EMID1: variants seen among roughly 807,000 people sequenced by gnomAD.
The protein encoded by EMID1 is EMI domain containing 1, also known as EMI domain-containing protein 1.
In EMID1, 40 loss-of-function variants were observed where a neutral mutation model predicts 60.6. That is an observed-to-expected ratio of 0.66 (90% CI 0.51 to 0.86). The LOEUF (loss-of-function observed/expected upper bound fraction) is 0.86, where lower values mean the gene tolerates loss of function less well. Among genes scored for constraint, EMID1 ranks in the 40% least tolerant of loss-of-function variants. EMID1 has a pLI of 0.00. For missense variants in EMID1, 585 were observed against 597.1 expected, an observed-to-expected ratio of 0.98 and a Z score of 0.21; for synonymous variants, 242 against 231.0, an observed-to-expected ratio of 1.05 and a Z score of -0.43.
intron 8 of EMID1, 29 bp from the exon 9 acceptor site, chr22:29,233,350 C>G: frequency 6.2e-7 from 1 of 1,612,398 alleles, no homozygotes; most frequent in South Asian, 1.1e-5. Context: ...CTACCCAGCT[C>G]TACTCACTCA....
At chr22:29,245,827 G>A (rs1025244416) in intron 13 of EMID1, among the ~76,000 whole-genome samples, 2 of 152,144 alleles carry the variant, frequency 1.3e-5, no homozygotes, top group South Asian at 2.1e-4. Flanking sequence ...GGCCCGACTC[G>A]GCAGAGAGAA....
chr22:29,246,142 C>T (rs2041323205), intron 13 of EMID1, among the ~76,000 whole-genome samples: 1 of 152,154 alleles, frequency 6.6e-6, no homozygotes, highest in South Asian at 2.1e-4. Context: ...CAGGCAGAGG[C>T]GAGGGTACAA....
chr22:29,228,134 C>T (rs1390995119), intron 5 of EMID1, among the ~76,000 whole-genome samples: 1 of 124,978 alleles, frequency 8.0e-6, no homozygotes, highest in Admixed American at 9.2e-5. Flanking sequence ...CCAGCCTGGG[C>T]AACAAGAACG....
chr22:29,230,264 C>T (rs973399108), intron 5 of EMID1, among the ~76,000 whole-genome samples: 7 of 151,554 alleles, frequency 4.6e-5, no homozygotes, highest in African/African-American at 1.7e-4. Context: ...ACCCGGGAGG[C>T]GGAGGTTGCA....
At position 29,233,656 on chromosome 22, in the gene EMID1, C is replaced by T. The variant is rs960918691; in HGVS notation, c.956C>T (p.Pro319Leu). 40 of 1,613,848 alleles carry T rather than the reference C, an allele frequency of 2.5e-5. No homozygotes were observed. Among genetic ancestry groups the T allele is most frequent in the Non-Finnish European group, 3.2e-5 (38 of 1,179,864 alleles). ...PPGPTGVPGS[P>L]GHIGPPGPTG... ...GGCCCCACAGGTGTCCCTGGGAGTC[C>T]TGGTCACATAGTGAGTAGTTCTCCT... The change falls in exon 10 of 15, where the codon CCT becomes CTT. Residue 319 changes from proline to leucine, a missense_variant. By Grantham distance (98) the Pro-to-Leu change is moderately conservative (BLOSUM62 -3). Transcript: ENST00000334018.
intron 14 of EMID1, among the ~76,000 whole-genome samples, chr22:29,256,405 A>G (rs1207327632): frequency 6.8e-6 from 1 of 147,910 alleles, no homozygotes; most frequent in Non-Finnish European, 1.5e-5. Flanking sequence ...CAGAGGTTGC[A>G]GTGAGCCGAG....
chr22:29,248,259 CTTTTTTTTT>C (rs33924066), intron 13 of EMID1, among the ~76,000 whole-genome samples: 1 of 116,070 alleles, frequency 8.6e-6, no homozygotes, highest in Non-Finnish European at 1.7e-5. Flanking sequence ...GTGCCTGGCC[CTTTTTTTTT>C]TTTTTTTTTT....
At chr22:29,215,434 G>C in intron 2 of EMID1, 93 bp from the exon 3 acceptor site, 1 of 1,379,472 alleles carries the variant, frequency 7.2e-7, no homozygotes, top group South Asian at 1.3e-5. Context: ...AGAGGATCCT[G>C]GAAGCTCTAG....
rs752025220 is a variant in EMID1 at position 29,215,583 on chromosome 22, G to A, written c.272G>A (p.Arg91His). Residue 91 changes from arginine to histidine, a missense_variant, in exon 3 of 15, where the codon CGT (arginine) becomes CAT (histidine). Transcript: ENST00000334018. Reference sequence around the variant, plus strand: ...GTGATGTACAAGATAGTGACCGCCCGTGAGTGGAGGTGCTGCCCTGGGCAC... The same window carrying A: ...GTGATGTACAAGATAGTGACCGCCCATGAGTGGAGGTGCTGCCCTGGGCAC... ...YKVMYKIVTA[R>H]EWRCCPGHSG... is the part of the protein sequence containing the mutation. 3.7e-6 allele frequency: 6 copies of A among 1,614,130 alleles called. No homozygotes were observed. The highest frequency in any genetic ancestry group is 2.2e-5 in the East Asian group (1 of 44,878).
chr22:29,226,611 A>G, intron 5 of EMID1, 60 bp downstream of exon 5: 1 of 1,542,052 alleles, frequency 6.5e-7, no homozygotes. Context: ...CCAGGCAACC[A>G]CCATCCCACC....
chr22:29,212,787 A>C (rs2039939971), intron 1 of EMID1, among the ~76,000 whole-genome samples: 1 of 151,842 alleles, frequency 6.6e-6, no homozygotes, highest in South Asian at 2.1e-4. Context: ...CTGGTCTCGA[A>C]CTCCTGACCT....
chr22:29,221,268 G>A (rs911645319), intron 3 of EMID1, among the ~76,000 whole-genome samples: 3 of 152,066 alleles, frequency 2.0e-5, no homozygotes, highest in Non-Finnish European at 2.9e-5. Context: ...CCTTCAGTAG[G>A]AACCACCAGG....
intron 5 of EMID1, among the ~76,000 whole-genome samples, chr22:29,227,903 C>T (rs1235255059): frequency 6.6e-6 from 1 of 151,828 alleles, no homozygotes; most frequent in Admixed American, 6.6e-5. Flanking sequence ...CGCCTGTAAT[C>T]ACAGCACTTT....
At chr22:29,240,196 G>A (rs1182968401) in intron 12 of EMID1, among the ~76,000 whole-genome samples, 2 of 152,134 alleles carry the variant, frequency 1.3e-5, no homozygotes, top group African/African-American at 2.4e-5. Context: ...TTTTGTTTTT[G>A]TTTGGGGGTT....
chr22:29,254,453 C>T (rs552211289), intron 14 of EMID1, 166 bp downstream of exon 14: 2 of 662,822 alleles, frequency 3.0e-6, no homozygotes, highest in Non-Finnish European at 2.6e-6. Context: ...CCCTCAATGA[C>T]TGGTTCCCTC....
Position 29,206,151 on chromosome 22 carries a change from C to G in EMID1, c.101+12C>G. 1 of 1,229,512 alleles carries G rather than the reference C, an allele frequency of 8.1e-7. No individual in the cohort carries two copies. The highest frequency in any genetic ancestry group is 1.0e-6 in the Non-Finnish European group (1 of 986,192). 76.2% of individuals were successfully genotyped at this position (1,229,512 alleles called of 1,614,324 possible). Reference sequence around the variant, plus strand: ...TTCTCCGGACGCAGGTAAGAGCTCCCGGCGCCTTTGCACCCCGCTGGCCGA... The same window carrying G: ...TTCTCCGGACGCAGGTAAGAGCTCCGGGCGCCTTTGCACCCCGCTGGCCGA... On this transcript the variant is annotated intron_variant, in intron 1 of 14. Transcript: ENST00000334018.
At chr22:29,217,664 C>T (rs1477841209) in intron 3 of EMID1, among the ~76,000 whole-genome samples, 1 of 152,218 alleles carries the variant, frequency 6.6e-6, no homozygotes, top group Non-Finnish European at 1.5e-5. Context: ...AAGAGTCTGC[C>T]TCCCTGGGTA....
intron 7 of EMID1, 117 bp from the exon 8 acceptor site, chr22:29,232,139 G>A: frequency 8.3e-7 from 1 of 1,207,932 alleles, no homozygotes; most frequent in Middle Eastern, 2.8e-4. Flanking sequence ...CTAGGCCTGT[G>A]GACTCCGGGG....
At chr22:29,206,265 G>A (rs1207175496) in intron 1 of EMID1, 126 bp downstream of exon 1, 1 of 755,082 alleles carries the variant, frequency 1.3e-6, no homozygotes, top group Non-Finnish European at 1.8e-6. Context: ...GCAGGGACAC[G>A]GCCATCCCGC....
Sources: allele counts gnomAD v4.1 joint callset (sites outside exome capture counted in the v4.1 genomes callset), GRCh38; gene constraint gnomAD v4.1.1; transcripts MANE v1.5; gene names NCBI Gene and HGNC (gene_info 2026-07-23, HGNC 2026-07-21).